Variants in LARP7 observed in about 807,000 individuals in gnomAD.
The protein encoded by LARP7 is la-related protein 7.
A neutral mutation model predicts 69.3 loss-of-function variants in LARP7; 52 were observed. The ratio of observed to expected loss-of-function variants is 0.75; its 90% CI spans 0.60 to 0.95. The LOEUF (loss-of-function observed/expected upper bound fraction) is 0.95. LARP7 is among the 40% of genes least tolerant of loss of function. LARP7 has a pLI of 0.00. For synonymous variants in LARP7, 254 were observed against 215.9 expected (o/e 1.18, Z -1.55); for missense variants, 733 against 673.0 (o/e 1.09, Z -0.99).
chr4:112,649,527 C>G lies in LARP7; in HGVS notation c.1143-8C>G. ...AGTCATCTGTTATCACCATTTCTTT[C>G]CTTGTAGGAGCGAATGGATGGATTT... On this transcript the variant is annotated splice_region_variant and splice_polypyrimidine_tract_variant and intron_variant, in intron 8 of 12. Transcript: ENST00000344442. 6.3e-7 allele frequency: 1 copy of G among 1,585,056 alleles called. No individual in the cohort carries two copies. Among genetic ancestry groups the G allele is most frequent in the South Asian group, 1.2e-5 (1 of 86,590 alleles).
At chr4:112,646,501 A>G in intron 3 of LARP7, 50 bp downstream of exon 3, 1 of 1,307,580 alleles carries the variant, frequency 7.6e-7, no homozygotes, top group East Asian at 2.6e-5. Flanking sequence ...ATAATTATAA[A>G]GAATGTTAAC....
chr4:112,644,477 C>G, intron 1 of LARP7, 191 bp from the exon 2 acceptor site: 3 of 1,190,908 alleles, frequency 2.5e-6, no homozygotes, highest in Non-Finnish European at 3.3e-6. Flanking sequence ...GCTATGATCC[C>G]TAACATAGAA....
At position 112,647,426 on chromosome 4, in the gene LARP7, ACAGGGAAGAGGAAGAGAAG is replaced by A. The variant is rs2149266450; in HGVS notation, c.878_896del (p.Gly293AlafsTer8). ...AGCATCTAGCTTACCTGAAGTCAGA[ACAGGGAAGAGGAAGAGAAG>A]CAGCTCTGAAGATGCAGAATCCCTA... is the stretch of plus-strand genomic sequence containing the variant. On this transcript the variant is annotated frameshift_variant, in exon 7 of 13. Transcript: ENST00000344442. LOFTEE classifies it high-confidence loss of function. 6.2e-7 allele frequency: 1 copy of A among 1,614,168 alleles called. No individual in the cohort carries two copies. Among genetic ancestry groups the A allele is most frequent in the Non-Finnish European group, 8.5e-7 (1 of 1,180,030 alleles).
chr4:112,641,964 C>T (rs149154708), intron 1 of LARP7, among the ~76,000 whole-genome samples: 2,119 of 152,180 alleles, frequency 0.014, 25 homozygotes, highest in Middle Eastern at 0.065. Context: ...GAAGGAAGCC[C>T]AGGACTGAGT....
intron 1 of LARP7, among the ~76,000 whole-genome samples, chr4:112,641,450 T>TA (rs2047960939): frequency 6.6e-6 from 1 of 151,948 alleles, no homozygotes; most frequent in Non-Finnish European, 1.5e-5. Context: ...TGATCTGATT[T>TA]ACATATTTAA....
chr4:112,651,210 T>G, intron 10 of LARP7, among the ~76,000 whole-genome samples: 1 of 152,226 alleles, frequency 6.6e-6, no homozygotes, highest in Non-Finnish European at 1.5e-5. Context: ...CCACATATTT[T>G]AAGTATTTTC....
At chr4:112,655,362 G>A (rs2048913757) in intron 12 of LARP7, 1 of 151,996 alleles carries the variant, frequency 6.6e-6, no homozygotes, top group Admixed American at 6.5e-5. Context: ...TAAAAATTTA[G>A]AGCTCATCTT....
At chr4:112,657,170 TTGTGTG>T (rs35719274) in intron 12 of LARP7, 71 bp from the exon 13 acceptor site, 87 of 516,698 alleles carry the variant, frequency 1.7e-4, no homozygotes, top group Middle Eastern at 1.0e-3. Flanking sequence ...AGTCATAGTT[TTGTGTG>T]TGTGTGTGTG....
chr4:112,650,475 G>GAGTGTCGCACCCAGGAGAA lies in LARP7; in HGVS notation c.1313_1331dup (p.Asn445SerfsTer7). The GAGTGTCGCACCCAGGAGAA allele has an allele frequency of 1.9e-6, 3 of 1,613,836 alleles. No homozygotes were observed. The highest frequency in any genetic ancestry group is 2.5e-6 in the Non-Finnish European group (3 of 1,179,790). On this transcript the variant is annotated frameshift_variant, in exon 10 of 13. Transcript: ENST00000344442. LOFTEE classifies it high-confidence loss of function. The stretch of plus-strand genomic sequence containing the variant: ...TTTCTAATCAGCAGCCAACAGGGAA[G>GAGTGTCGCACCCAGGAGAA]AGTGTCGCACCCAGGAGAAAGTTAA...
At chr4:112,654,600 C>G (rs2149287373) in intron 12 of LARP7, 1 of 154,142 alleles carries the variant, frequency 6.5e-6, no homozygotes, top group East Asian at 1.9e-4. Context: ...ATTCCTCTTT[C>G]TCTAAGATAG....
chr4:112,648,034 G>T (rs764414260), intron 8 of LARP7, 200 bp downstream of exon 8: 1 of 666,238 alleles, frequency 1.5e-6, no homozygotes, highest in Non-Finnish European at 2.9e-6. Context: ...ACTTATTTTT[G>T]TCATGTCACA....
chr4:112,650,972 T>A (rs1355052467), intron 10 of LARP7, among the ~76,000 whole-genome samples: 1 of 152,238 alleles, frequency 6.6e-6, no homozygotes, highest in African/African-American at 2.4e-5. Flanking sequence ...AACCCATACT[T>A]CTATATAATT....
intron 9 of LARP7, 37 bp from the exon 10 acceptor site, chr4:112,650,424 A>G (rs1181739683): frequency 6.2e-7 from 1 of 1,608,144 alleles, no homozygotes; most frequent in Non-Finnish European, 8.5e-7. Flanking sequence ...GTTAAGTGTA[A>G]GAGATTTAGT....
Position 112,640,783 on chromosome 4 carries a change from C to T in LARP7, c.-3+3544C>T, listed in dbSNP as rs568124795. ...AAAAAATAGTGACTGAGGCAGTGGACGGAGTTAAGGTCAGCAGGGAGGGAA... is the reference window on the plus strand; with the variant it reads ...AAAAAATAGTGACTGAGGCAGTGGATGGAGTTAAGGTCAGCAGGGAGGGAA... On this transcript the variant is annotated intron_variant, in intron 1 of 12. Transcript: ENST00000344442. Among the ~76,000 whole-genome samples the T allele has an allele frequency of 1.4e-4, 22 of 152,214 alleles. No homozygotes were observed. In the South Asian group the frequency reaches 2.7e-3, roughly 19 times the overall value.
At chr4:112,644,943 T>TTA in intron 2 of LARP7, 72 bp downstream of exon 2, 97 of 466,874 alleles carry the variant, frequency 2.1e-4, no homozygotes, top group Middle Eastern at 6.6e-4. Context: ...AAATAATATA[T>TTA]TCTTTTTTTT....
In LARP7 at chr4:112,653,949, T is replaced by C. The variant is rs72902764; in HGVS notation, c.1577-119T>C. 0.035 allele frequency: 26,222 copies of C among 741,838 alleles called. 3,262 individuals carry two copies. The highest frequency in any genetic ancestry group is 0.33 in the African/African-American group (18,558 of 56,894). 46.0% of individuals were successfully genotyped at this position (741,838 alleles called of 1,614,324 possible). A position where few individuals can be genotyped will look rare whatever the true frequency, so the allele number is the denominator to read the frequency against. Reference sequence around the variant, plus strand: ...TTTCTATTCTGTAATATGTGTAAAGTAGCATTAAATATAATCAAAAACTGT... The same window carrying C: ...TTTCTATTCTGTAATATGTGTAAAGCAGCATTAAATATAATCAAAAACTGT... On this transcript the variant is annotated intron_variant, in intron 11 of 12. Transcript: ENST00000344442.
intron 11 of LARP7, among the ~76,000 whole-genome samples, 194 bp downstream of exon 11, chr4:112,653,430 C>A (rs1239244513): frequency 2.0e-5 from 3 of 152,172 alleles, no homozygotes; most frequent in Non-Finnish European, 4.4e-5. Context: ...CTGCCTCAGC[C>A]TCCAGAGTAG....
chr4:112,644,650 T>G lies in LARP7; in HGVS notation c.-2-18T>G. ...TGTGGTGATTTAAATATTTACATCT[T>G]TTTCTTGTAATTCACAGGAATGGAA... On this transcript the variant is annotated intron_variant, in intron 1 of 12. Transcript: ENST00000344442. 6.4e-7 allele frequency: 1 copy of G among 1,554,230 alleles called. No individual in the cohort carries two copies. Among genetic ancestry groups the G allele is most frequent in the Non-Finnish European group, 8.8e-7 (1 of 1,136,112 alleles).
At chr4:112,643,810 C>T (rs1016887994) in intron 1 of LARP7, among the ~76,000 whole-genome samples, 11 of 151,888 alleles carry the variant, frequency 7.2e-5, no homozygotes, top group African/African-American at 2.7e-4. Context: ...TGAGATCATG[C>T]CACTGCACTC....
Sources: allele counts gnomAD v4.1 joint callset (sites outside exome capture counted in the v4.1 genomes callset), GRCh38; gene constraint gnomAD v4.1.1; transcripts MANE v1.5; gene names NCBI Gene and HGNC (gene_info 2026-07-23, HGNC 2026-07-21).